SP7: variants seen among roughly 807,000 people sequenced by gnomAD.
SP7 encodes transcription factor Sp7.
A neutral mutation model predicts 27.9 loss-of-function variants in SP7; 13 were observed. The observed-to-expected ratio is 0.47, with a 90% CI of 0.30 to 0.74. The LOEUF (loss-of-function observed/expected upper bound fraction) is 0.74, where lower values mean the gene tolerates loss of function less well. Ranked by LOEUF, SP7 falls within the 30% of genes least tolerant of loss-of-function variation. SP7 has a pLI of 0.06. For synonymous variants in SP7, 219 were observed against 226.7 expected (o/e 0.97, Z 0.31); for missense variants, 525 against 558.0 (o/e 0.94, Z 0.60).
intron 2 of SP7, 44 bp downstream of exon 2, chr12:53,335,582 T>G: frequency 6.0e-6 from 6 of 998,070 alleles, no homozygotes; most frequent in Non-Finnish European, 9.3e-6. Context: ...ACTAGGACCA[T>G]TAAGGTTGTG....
In SP7 at chr12:53,329,241, G is replaced by T. The variant is rs777024410; in HGVS notation, c.201C>A (p.Pro67=). ...AAAGGAGCCCATTAGTGCTTGTAAA[G>T]GGGGCTGGATAAGCATCCCCCATGG... ...SKTMGDAYPA[P]FTSTNGLLSP... The change falls in exon 3 of 3, where the codon CCC becomes CCA. Residue 67 remains proline (P), a synonymous_variant. Coordinates refer to ENST00000536324, the MANE Select transcript of SP7 (RefSeq NM_001173467.3). 5 of 1,613,840 alleles carry T rather than the reference G, an allele frequency of 3.1e-6. No homozygotes were observed. The highest frequency in any genetic ancestry group is 4.2e-6 in the Non-Finnish European group (5 of 1,179,888).
chr12:53,329,197 G>A lies in SP7; in HGVS notation c.245C>T (p.Pro82Leu). Residue 82 changes from proline (P) to leucine (L), a missense_variant, in exon 3 of 3, where the codon CCA (proline) becomes CTA (leucine). By Grantham distance (98) the Pro-to-Leu change is moderately conservative. Transcript: ENST00000536324. ...ATTAGCATAGCCTGAGGTGGGTGCT[G>A]GAGGACTGCCTGCAGGTGAAAGGAG... ...NGLLSPAGSP[P>L]APTSGYANDY... 1 of 1,613,856 alleles carries A rather than the reference G, an allele frequency of 6.2e-7. No homozygotes were observed. The highest frequency in any genetic ancestry group is 8.5e-7 in the Non-Finnish European group (1 of 1,179,874).
At chr12:53,339,725 C>CAA (rs1396632595), upstream of SP7, among the ~76,000 whole-genome samples, 348 of 65,350 alleles carry the variant, frequency 5.3e-3, 15 homozygotes, top group East Asian at 0.12. Context: ...AACTCCATCT[C>CAA]AAAAAAAAAA....
chr12:53,335,691 G>A lies in SP7; in HGVS notation c.-45C>T. ...TCCCAAGGAGCCAGGCAGATGGAGAGAGCTGAGCCGGGGGGTGGGGGGGGT... is the reference window on the plus strand; with the variant it reads ...TCCCAAGGAGCCAGGCAGATGGAGAAAGCTGAGCCGGGGGGTGGGGGGGGT... On this transcript the variant is annotated splice_region_variant and 5_prime_UTR_variant, in exon 2 of 3. Coordinates refer to ENST00000536324, the MANE Select transcript of SP7 (RefSeq NM_001173467.3). 1.5e-6 allele frequency: 2 copies of A among 1,330,690 alleles called. No individual in the cohort carries two copies. Among genetic ancestry groups the A allele is most frequent in the South Asian group, 2.7e-5 (2 of 73,618 alleles). The allele number at this position is 1,330,690 out of a possible 1,614,324, so 82.4% of individuals were successfully genotyped here. A position where few individuals can be genotyped will look rare whatever the true frequency, so the allele number is the denominator to read the frequency against.
chr12:53,337,751 A>G (rs1233702761), upstream of SP7, among the ~76,000 whole-genome samples: 2 of 152,172 alleles, frequency 1.3e-5, no homozygotes, highest in Non-Finnish European at 2.9e-5. Context: ...GGTAGGGCCC[A>G]GGAGTTCTGG....
chr12:53,328,974 A>C lies in SP7; in HGVS notation c.468T>G (p.Thr156=). Residue 156 remains threonine, a synonymous_variant, in exon 3 of 3, where the codon ACT becomes ACG. Transcript: ENST00000536324. This position sits in a 1 kb window ranked among gnomAD's most constrained non-coding sequence, Gnocchi z 5.1. ...GISPGPGNTP[T]PWWDMHPGGN... Reference sequence around the variant, plus strand: ...CTCCAGGGTGCATATCCCACCATGGAGTAGGAGTGTTGCCTGGGCCTGGTG... The same window carrying C: ...CTCCAGGGTGCATATCCCACCATGGCGTAGGAGTGTTGCCTGGGCCTGGTG... 1 of 1,612,614 alleles carries C rather than the reference A, an allele frequency of 6.2e-7. No individual in the cohort carries two copies. Among genetic ancestry groups the C allele is most frequent in the Non-Finnish European group, 8.5e-7 (1 of 1,179,270 alleles).
rs758589223 is a variant in SP7 at position 53,328,963 on chromosome 12, T to C, written c.479A>G (p.Asp160Gly). 9.3e-6 allele frequency: 15 copies of C among 1,612,190 alleles called. No individual in the cohort carries two copies. Among genetic ancestry groups the C allele is most frequent in the Non-Finnish European group, 1.7e-6 (2 of 1,179,058 alleles). ...TAGCCAGTTGCCTCCAGGGTGCATA[T>C]CCCACCATGGAGTAGGAGTGTTGCC... is the stretch of plus-strand genomic sequence containing the variant. ...GPGNTPTPWW[D>G]MHPGGNWLGG... is the part of the protein sequence containing the mutation. Residue 160 changes from aspartate to glycine, a missense_variant, in exon 3 of 3, where the codon GAT (aspartate) becomes GGT (glycine). Coordinates refer to ENST00000536324, the MANE Select transcript of SP7 (RefSeq NM_001173467.3). This position sits in a 1 kb window ranked among gnomAD's most constrained non-coding sequence, Gnocchi z 5.1.
At chr12:53,338,500 A>G (rs1391562806), upstream of SP7, among the ~76,000 whole-genome samples, 55 of 152,110 alleles carry the variant, frequency 3.6e-4, no homozygotes, top group Non-Finnish European at 7.4e-5. Context: ...ATTAGATGAG[A>G]GAAGAAAGGA....
chr12:53,328,728 C>T lies in SP7; in HGVS notation c.714G>A (p.Gly238=), dbSNP rs1346463308. 1.9e-6 allele frequency: 3 copies of T among 1,606,148 alleles called. No individual in the cohort carries two copies. Among genetic ancestry groups the T allele is most frequent in the Admixed American group, 3.4e-5 (2 of 59,678 alleles). The change falls in exon 3 of 3, where the codon GGG becomes GGA. Residue 238 remains glycine, a synonymous_variant. Coordinates refer to ENST00000536324, the MANE Select transcript of SP7 (RefSeq NM_001173467.3). This position sits in a 1 kb window ranked among gnomAD's most constrained non-coding sequence, Gnocchi z 5.1. ...VYKPKAVGNS[G]QLEGSGGAKP... ...TGGCTCCACCACTCCCTTCTAGCTG[C>T]CCACTATTTCCCACTGCCTTGGGTT...
At chr12:53,338,788 C>A (rs1420904376), upstream of SP7, among the ~76,000 whole-genome samples, 3 of 152,220 alleles carry the variant, frequency 2.0e-5, no homozygotes, top group Non-Finnish European at 2.9e-5. Flanking sequence ...GCCTCTTCCC[C>A]ACCAGAGATC....
At chr12:53,342,461 C>T (rs1417945432) in intron 1 of SP7, among the ~76,000 whole-genome samples, 1 of 152,176 alleles carries the variant, frequency 6.6e-6, no homozygotes, top group Non-Finnish European at 1.5e-5. Flanking sequence ...ACAGACTCAT[C>T]CCTTCACCTC....
At chr12:53,336,748 G>A (rs1374149830), upstream of SP7, among the ~76,000 whole-genome samples, 3 of 143,076 alleles carry the variant, frequency 2.1e-5, no homozygotes, top group East Asian at 2.0e-4. Flanking sequence ...GTACGTGCCC[G>A]TGTGTGTGTG....
At chr12:53,337,720 G>A (rs1053346561), upstream of SP7, among the ~76,000 whole-genome samples, 1 of 152,160 alleles carries the variant, frequency 6.6e-6, no homozygotes, top group African/African-American at 2.4e-5. Flanking sequence ...AGTTTCGCCA[G>A]CAGGTAGGCA....
Position 53,328,089 on chromosome 12 carries a change from TAG to T in SP7, c.*55_*56del. The T allele has an allele frequency of 6.7e-7, 1 of 1,488,892 alleles. No homozygotes were observed. Among genetic ancestry groups the T allele is most frequent in the Non-Finnish European group, 9.0e-7 (1 of 1,112,092 alleles). The allele number at this position is 1,488,892 out of a possible 1,614,324, so 92.2% of individuals were successfully genotyped here. ...AGAGAGTGATTGGCAAGCAGTGGTC[TAG>T]AGAGCCAAGAGAGACTGTCAGGGCA... On this transcript the variant is annotated 3_prime_UTR_variant, in exon 3 of 3. Coordinates refer to ENST00000536324, the MANE Select transcript of SP7 (RefSeq NM_001173467.3). The surrounding 1 kb of genome is among the most constrained non-coding windows in gnomAD (Gnocchi z 5.1).
chr12:53,336,766 GTA>G (rs1944776763), upstream of SP7, among the ~76,000 whole-genome samples: 1 of 151,900 alleles, frequency 6.6e-6, no homozygotes. Context: ...GTGTGTGTGT[GTA>G]TGTTGTGGGA....
At chr12:53,339,204 G>A (rs1337591667), upstream of SP7, among the ~76,000 whole-genome samples, 1 of 152,208 alleles carries the variant, frequency 6.6e-6, no homozygotes, top group Non-Finnish European at 1.5e-5. Flanking sequence ...CAGACGCTGA[G>A]CTCCAAGGGA....
At chr12:53,341,557 G>A (rs1944822665) in intron 1 of SP7, among the ~76,000 whole-genome samples, 1 of 152,192 alleles carries the variant, frequency 6.6e-6, no homozygotes, top group Non-Finnish European at 1.5e-5. Flanking sequence ...AAATATACTA[G>A]TGTCTTTCAT....
At position 53,328,676 on chromosome 12, in the gene SP7, C is replaced by T. The variant is rs778709737; in HGVS notation, c.766G>A (p.Gly256Ser). The change falls in exon 3 of 3, where the codon GGT (glycine) becomes AGT (serine). Residue 256 changes from glycine (G) to serine (S), a missense_variant. Coordinates refer to ENST00000536324, the MANE Select transcript of SP7 (RefSeq NM_001173467.3). This position sits in a 1 kb window ranked among gnomAD's most constrained non-coding sequence, Gnocchi z 5.1. ...AKPPRGASTGGSGGYGGSGAG... is the reference protein window; with the variant it reads ...AKPPRGASTGSSGGYGGSGAG... The stretch of plus-strand genomic sequence containing the variant: ...CCACTGCCCCCATATCCACCACTAC[C>T]CCCAGTGCTTGCACCCCGTGGGGGT... 6.2e-7 allele frequency: 1 copy of T among 1,608,412 alleles called. No homozygotes were observed.
In SP7 at chr12:53,344,786, C is replaced by G. The variant is rs1016891401; in HGVS notation, c.-34+328G>C. On this transcript the variant is annotated intron_variant, in intron 1 of 1. Transcript: ENST00000547755. This position sits in a 1 kb window ranked among gnomAD's most constrained non-coding sequence, Gnocchi z 4.6. ...GCCGCCGGGGATCTCGCCTCCATCC[C>G]GTGCCTCAGTGTCCCGGCGCGGCCG... 3.3e-5 allele frequency among the ~76,000 whole-genome samples: 5 copies of G among 151,642 alleles called. No individual in the cohort carries two copies. Among genetic ancestry groups the G allele is most frequent in the South Asian group, 2.1e-4 (1 of 4,818 alleles).
Sources: gnomAD v4.1 joint callset for allele counts (sites outside exome capture counted in the v4.1 genomes callset) on GRCh38, gnomAD v4.1.1 for gene constraint, Gnocchi (gnomAD v3.1) non-coding constraint, MANE v1.5 for transcripts, NCBI Gene and HGNC (gene_info 2026-07-23, HGNC 2026-07-21) for gene names.